The following TRIM14 variants were observed in gnomAD, a reference collection of about 807,000 sequenced individuals.
The protein encoded by TRIM14 is tripartite motif containing 14, also known as tripartite motif-containing protein 14.
In TRIM14, 28 loss-of-function variants were observed where a neutral mutation model predicts 44.5. The observed-to-expected ratio is 0.63, with a 90% confidence interval of 0.47 to 0.86. TRIM14 has a LOEUF of 0.86. Ranked by LOEUF, TRIM14 falls within the 40% of genes least tolerant of loss-of-function variation. The probability of loss-of-function intolerance (pLI) is 0.00; values close to 1 mark genes in which losing one functional copy is unlikely to be tolerated. For missense variants in TRIM14, 607 were observed against 611.1 expected (o/e 0.99, Z 0.07); for synonymous variants, 299 against 269.2 (o/e 1.11, Z -1.08).
At chr9:98,045,443 T>C in the TRIM14 span, among the ~76,000 whole-genome samples, 2 of 152,228 alleles carry the variant, frequency 1.3e-5, no homozygotes, top group African/African-American at 2.4e-5. Flanking sequence ...TGCCAATTAC[T>C]GAGTTTTTGG....
At chr9:98,046,321 G>GCTTT in the TRIM14 span, among the ~76,000 whole-genome samples, 1 of 152,108 alleles carries the variant, frequency 6.6e-6, no homozygotes, top group Non-Finnish European at 1.5e-5. Flanking sequence ...TCGTACTAAA[G>GCTTT]GTAACTTACA....
At chr9:98,098,482 G>T (rs978506452) in intron 3 of TRIM14, among the ~76,000 whole-genome samples, 4 of 151,968 alleles carry the variant, frequency 2.6e-5, no homozygotes, top group Admixed American at 1.3e-4. Context: ...GGGGCCGAGG[G>T]GGGCGGATCA....
chr9:98,080,848 A>T, downstream of TRIM14: 1 of 1,605,262 alleles, frequency 6.2e-7, no homozygotes, highest in Non-Finnish European at 8.5e-7. Flanking sequence ...ACATTCCCAT[A>T]GGGTATTCTG....
chr9:98,098,009 A>G (rs1352243911), intron 3 of TRIM14, among the ~76,000 whole-genome samples: 1 of 152,198 alleles, frequency 6.6e-6, no homozygotes, highest in African/African-American at 2.4e-5. Context: ...ATAAAGACAC[A>G]AGAGTGGAAA....
chr9:98,083,176 T>A, downstream of TRIM14: 2 of 879,540 alleles, frequency 2.3e-6, no homozygotes, highest in Non-Finnish European at 3.5e-6. Flanking sequence ...CTCCACCTGC[T>A]CCTTAGACAG....
At chr9:98,062,211 A>T in the TRIM14 span, among the ~76,000 whole-genome samples, 38 of 121,328 alleles carry the variant, frequency 3.1e-4, no homozygotes, top group African/African-American at 9.2e-4. Context: ...GTCTCTTAAT[A>T]AAAAAAAAAA....
the TRIM14 span, among the ~76,000 whole-genome samples, chr9:98,059,996 T>G: frequency 1.3e-5 from 2 of 152,198 alleles, no homozygotes; most frequent in Non-Finnish European, 2.9e-5. Context: ...TTACACATCC[T>G]GGAGGTAGCC....
chr9:98,067,052 G>A (rs1053106807), downstream of TRIM14, among the ~76,000 whole-genome samples: 1 of 152,082 alleles, frequency 6.6e-6, no homozygotes, highest in Admixed American at 6.6e-5. Flanking sequence ...ATATAACATT[G>A]TGTTTTCATT....
the TRIM14 span, chr9:98,056,604 C>A: frequency 1.0e-5 from 7 of 694,786 alleles, no homozygotes; most frequent in Non-Finnish European, 1.6e-5. Context: ...GCCCTTCCCG[C>A]GGGAGGCCCC....
At chr9:98,103,786 C>T (rs1826491935) in intron 2 of TRIM14, among the ~76,000 whole-genome samples, 1 of 137,906 alleles carries the variant, frequency 7.3e-6, no homozygotes, top group Admixed American at 7.9e-5. Flanking sequence ...TGCAGTGAGC[C>T]GAGATTGTGC....
In TRIM14 at chr9:98,087,661, T is replaced by C; in HGVS notation, c.1138A>G (p.Ser380Gly). 6.2e-7 allele frequency: 1 copy of C among 1,603,568 alleles called. No individual in the cohort carries two copies. The highest frequency in any genetic ancestry group is 8.5e-7 in the Non-Finnish European group (1 of 1,178,554). The change falls in exon 6 of 6, where the codon AGC becomes GGC. Residue 380 changes from serine to glycine, a missense_variant. By Grantham distance (56) the Ser-to-Gly change is moderately conservative. Around this residue, in one of 3 missense-constraint regions of TRIM14, gnomAD observed 356 missense variants for 323.0 expected, o/e 1.10. Transcript: ENST00000341469. Reference sequence around the variant, plus strand: ...AGGTCGTCGCGGGGCCGCAGGCGGCTGCGCTGGCCGTCGTGGAAGGCCCAG... The same window carrying C: ...AGGTCGTCGCGGGGCCGCAGGCGGCCGCGCTGGCCGTCGTGGAAGGCCCAG... ...EYWAFHDGQR[S>G]RLRPRDDLDR...
At chr9:98,065,308 C>CTTTTTT (rs758040892), downstream of TRIM14, among the ~76,000 whole-genome samples, 6 of 92,752 alleles carry the variant, frequency 6.5e-5, no homozygotes, top group South Asian at 4.5e-4. Context: ...ACTCCTGGTG[C>CTTTTTT]TTTTTTTTTT....
chr9:98,075,363 TGAAG>T (rs1348210543), intron 6 of TRIM14: 3 of 133,056 alleles, frequency 2.3e-5, no homozygotes, highest in Non-Finnish European at 4.7e-5. Flanking sequence ...GTGAGAAAGG[TGAAG>T]GAAGGGAGGA....
chr9:98,051,888 T>G, the TRIM14 span, among the ~76,000 whole-genome samples: 4 of 151,356 alleles, frequency 2.6e-5, no homozygotes, highest in African/African-American at 9.7e-5. Context: ...AATCTCATAT[T>G]TAGCAGGGGT....
In TRIM14 at chr9:98,087,688, A is replaced by G; in HGVS notation, c.1111T>C (p.Tyr371His). ...SWCLKRYDLE[Y>H]WAFHDGQRSR... ...CGCTGGCCGTCGTGGAAGGCCCAGT[A>G]CTCAAGGTCGTAGCGCTTGAGGCAC... Residue 371 changes from tyrosine (Y) to histidine (H), a missense_variant, in exon 6 of 6, where the codon TAC becomes CAC. Tyr to His is a moderately conservative substitution (Grantham distance 83). Transcript: ENST00000341469. 1 of 1,601,170 alleles carries G rather than the reference A, an allele frequency of 6.2e-7. No homozygotes were observed. The highest frequency in any genetic ancestry group is 1.1e-5 in the South Asian group (1 of 90,724).
downstream of TRIM14, chr9:98,082,709 C>G (rs1182926637): frequency 3.0e-6 from 2 of 675,554 alleles, no homozygotes; most frequent in Non-Finnish European, 5.0e-6. Flanking sequence ...ATATTCTGAG[C>G]AGTGTAGGGG....
downstream of TRIM14, among the ~76,000 whole-genome samples, chr9:98,067,240 A>G (rs1426711038): frequency 4.6e-5 from 7 of 152,144 alleles, no homozygotes; most frequent in East Asian, 5.8e-4. Context: ...TTTTATATGG[A>G]CATGTGTTCA....
chr9:98,075,997 G>C (rs1170356516), intron 6 of TRIM14: 1 of 152,044 alleles, frequency 6.6e-6, no homozygotes, highest in African/African-American at 2.4e-5. Flanking sequence ...ATGAATACTA[G>C]AGAAGGATGT....
At chr9:98,039,554 TCA>T in the TRIM14 span, among the ~76,000 whole-genome samples, 1 of 151,958 alleles carries the variant, frequency 6.6e-6, no homozygotes, top group Non-Finnish European at 1.5e-5. Context: ...GGTTCAAGAG[TCA>T]CACAGCTGGA....
Sources: gnomAD v4.1 joint callset for allele counts (sites outside exome capture counted in the v4.1 genomes callset) on GRCh38, gnomAD v4.1.1 for gene constraint, gnomAD v4.1.1 regional missense constraint, MANE v1.5 for transcripts, NCBI Gene and HGNC (gene_info 2026-07-23, HGNC 2026-07-21) for gene names.